SUSD1: variants seen among roughly 807,000 people sequenced by gnomAD.
SUSD1 encodes the protein sushi domain containing 1, also known as sushi domain-containing protein 1.
In SUSD1, 65 loss-of-function variants were observed where a neutral mutation model predicts 86.9. The ratio of observed to expected loss-of-function variants is 0.75; its 90% CI spans 0.61 to 0.92. The LOEUF (loss-of-function observed/expected upper bound fraction) is 0.92, where lower values mean the gene tolerates loss of function less well. SUSD1 is among the 40% of genes least tolerant of loss of function. The pLI, the probability that SUSD1 is intolerant of heterozygous loss-of-function variation, is 0.00. For synonymous variants in SUSD1, 346 were observed against 350.0 expected, an observed-to-expected ratio of 0.99 and a Z score of 0.13; for missense variants, 850 against 929.7, an observed-to-expected ratio of 0.91 and a Z score of 1.11.
intron 10 of SUSD1, 35 bp downstream of exon 10, chr9:112,098,434 TC>T: frequency 6.2e-7 from 1 of 1,605,040 alleles, no homozygotes; most frequent in Non-Finnish European, 8.5e-7. Context: ...AGGTAATTTG[TC>T]CTGAGGCACA....
At chr9:112,115,824 G>GAAAAAAAAAAAAAAAA (rs58111856) in intron 6 of SUSD1, among the ~76,000 whole-genome samples, 2 of 120,950 alleles carry the variant, frequency 1.7e-5, no homozygotes, top group East Asian at 2.4e-4. Flanking sequence ...AAAAAAAAAA[G>GAAAAAAAAAAAAAAAA]AAAAAAAAAA....
chr9:112,155,931 G>A (rs1833285851), intron 2 of SUSD1, among the ~76,000 whole-genome samples: 1 of 148,590 alleles, frequency 6.7e-6, no homozygotes, highest in African/African-American at 2.5e-5. Context: ...GGAAGAAGAA[G>A]GAAGAGAAGG....
At chr9:112,110,747 A>G (rs970037435) in intron 8 of SUSD1, among the ~76,000 whole-genome samples, 1 of 151,322 alleles carries the variant, frequency 6.6e-6, no homozygotes, top group African/African-American at 2.4e-5. Context: ...TTTTTTTTTA[A>G]CTTACTGTAA....
chr9:112,097,560 G>C (rs1830451775), intron 10 of SUSD1, among the ~76,000 whole-genome samples: 1 of 151,690 alleles, frequency 6.6e-6, no homozygotes, highest in Non-Finnish European at 1.5e-5. Context: ...ACCATGCCCA[G>C]CTAATTTTTT....
chr9:112,049,983 G>A (rs1025002992), intron 15 of SUSD1, among the ~76,000 whole-genome samples: 5 of 152,132 alleles, frequency 3.3e-5, no homozygotes, highest in Non-Finnish European at 4.4e-5. Context: ...GCTCTTTGGC[G>A]ATTTCTTCTA....
At chr9:112,162,344 T>A (rs1833607534) in intron 1 of SUSD1, among the ~76,000 whole-genome samples, 1 of 152,228 alleles carries the variant, frequency 6.6e-6, no homozygotes. Flanking sequence ...TGTGTCTGGA[T>A]CCCAAATTTC....
Position 112,175,241 on chromosome 9 carries a change from C to A in SUSD1, c.-6G>T, listed in dbSNP as rs1416888430. ...TCCCAGGGCCCCCGGCCCATGCCGC[C>A]GCCGGTCCCTCCCGGCGCGCCCGCG... On this transcript the variant is annotated 5_prime_UTR_variant, in exon 1 of 17. Transcript: ENST00000374270. This position sits in a 1 kb window ranked among gnomAD's most constrained non-coding sequence, Gnocchi z 4.7. 1.0e-5 allele frequency: 12 copies of A among 1,154,548 alleles called. No homozygotes were observed. In the East Asian group the frequency reaches 3.7e-4, roughly 35 times the overall value. 71.5% of individuals were successfully genotyped at this position (1,154,548 alleles called of 1,614,324 possible).
chr9:112,069,278 T>C (rs1396029692), intron 12 of SUSD1, among the ~76,000 whole-genome samples: 1 of 152,108 alleles, frequency 6.6e-6, no homozygotes, highest in Non-Finnish European at 1.5e-5. Context: ...ATAGATCATG[T>C]TTTTCCTAAA....
chr9:112,131,327 G>T (rs925239649), intron 5 of SUSD1, among the ~76,000 whole-genome samples: 1 of 152,156 alleles, frequency 6.6e-6, no homozygotes, highest in African/African-American at 2.4e-5. Flanking sequence ...AGTCTGGAAG[G>T]GTTCGATGAC....
intron 5 of SUSD1, among the ~76,000 whole-genome samples, chr9:112,135,062 T>G (rs1832200397): frequency 3.1e-5 from 4 of 129,316 alleles, no homozygotes. Flanking sequence ...GCAAACTGTC[T>G]CAAAAAAAAA....
At chr9:112,078,808 T>TAA in intron 11 of SUSD1, 84 bp from the exon 12 acceptor site, 9 of 1,110,474 alleles carry the variant, frequency 8.1e-6, no homozygotes, top group African/African-American at 6.0e-5. Context: ...CCTTTTTCTT[T>TAA]CTCTTTTTTT....
intron 5 of SUSD1, among the ~76,000 whole-genome samples, chr9:112,128,414 G>T (rs1831872459): frequency 6.6e-6 from 1 of 151,034 alleles, no homozygotes; most frequent in South Asian, 2.1e-4. Context: ...TTTTTTTTGA[G>T]ATGAAGTCTC....
At chr9:112,050,831 G>T (rs567200666) in intron 15 of SUSD1, among the ~76,000 whole-genome samples, 194 of 152,274 alleles carry the variant, frequency 1.3e-3, no homozygotes, top group African/African-American at 4.5e-3. Context: ...GGGAAATCCC[G>T]AGCCTGGAAA....
intron 1 of SUSD1, among the ~76,000 whole-genome samples, chr9:112,159,738 A>G (rs1359680869): frequency 6.6e-6 from 1 of 152,216 alleles, no homozygotes; most frequent in Non-Finnish European, 1.5e-5. Context: ...CAAATGTAAG[A>G]CTTATGCGTT....
chr9:112,052,421 A>G lies in SUSD1; in HGVS notation c.2127T>C (p.Cys709=), dbSNP rs373796398. ...TACCTTTCACCTGAGCCCAAACTGCACAGGAGTGTCTTCTCACCTATAAAG... is the reference window on the plus strand; with the variant it reads ...TACCTTTCACCTGAGCCCAAACTGCGCAGGAGTGTCTTCTCACCTATAAAG... ...SEWNKVRRHS[C]AVWAQVKDSS... is the part of the protein sequence containing the mutation. Residue 709 remains cysteine, a synonymous_variant, in exon 15 of 17, where the codon TGT becomes TGC. Transcript: ENST00000374270. 1.9e-6 allele frequency: 3 copies of G among 1,614,132 alleles called. No individual in the cohort carries two copies. The highest frequency in any genetic ancestry group is 2.5e-6 in the Non-Finnish European group (3 of 1,180,014).
chr9:112,169,673 AC>A (rs1344697712), intron 1 of SUSD1, among the ~76,000 whole-genome samples: 1 of 136,472 alleles, frequency 7.3e-6, no homozygotes, highest in African/African-American at 2.6e-5. Context: ...AGAAGGGTGT[AC>A]CTTTTTTTTT....
intron 9 of SUSD1, among the ~76,000 whole-genome samples, chr9:112,099,015 TTCTC>T (rs58040511): frequency 0.042 from 6,127 of 145,832 alleles, 139 homozygotes; most frequent in South Asian, 0.073. Flanking sequence ...GAATACTTCG[TTCTC>T]TCTCTCTCTC....
At chr9:112,112,025 A>G (rs1831122353) in intron 7 of SUSD1, 185 bp from the exon 8 acceptor site, 3 of 549,914 alleles carry the variant, frequency 5.5e-6, no homozygotes, top group South Asian at 2.8e-5. Context: ...AAACCCCTAG[A>G]GGAGACATAA....
chr9:112,080,271 T>C (rs1165932328), intron 10 of SUSD1, 106 bp from the exon 11 acceptor site: 1 of 719,078 alleles, frequency 1.4e-6, no homozygotes, highest in East Asian at 2.7e-5. Flanking sequence ...AGTTCAACAG[T>C]ATTTTAATTT....
Sources: allele counts gnomAD v4.1 joint callset (sites outside exome capture counted in the v4.1 genomes callset), GRCh38; gene constraint gnomAD v4.1.1; non-coding constraint Gnocchi (gnomAD v3.1); transcripts MANE v1.5; gene names NCBI Gene and HGNC (gene_info 2026-07-23, HGNC 2026-07-21).